CCDC6: variants seen among roughly 807,000 people sequenced by gnomAD.
CCDC6 encodes coiled-coil domain containing 6, also known as coiled-coil domain-containing protein 6.
Under a neutral mutation model 56.6 loss-of-function variants are expected in CCDC6, and 20 were observed. That is an observed-to-expected ratio of 0.35 (90% confidence interval 0.25 to 0.51). The LOEUF (loss-of-function observed/expected upper bound fraction) is 0.51. CCDC6 is among the 20% of genes least tolerant of loss of function. The probability of loss-of-function intolerance (pLI) is 0.95; values close to 1 mark genes in which losing one functional copy is unlikely to be tolerated. For synonymous variants in CCDC6, 241 were observed against 234.4 expected (o/e 1.03, Z -0.26); for missense variants, 367 against 601.1 (o/e 0.61, Z 4.07).
At chr10:59,896,929 C>G (rs2071468364) in intron 1 of CCDC6, among the ~76,000 whole-genome samples, 1 of 149,908 alleles carries the variant, frequency 6.7e-6, no homozygotes, top group Admixed American at 6.6e-5. Flanking sequence ...CCCATGCATG[C>G]AAGGCTCAAA....
At chr10:59,872,652 C>G (rs2071239578) in intron 1 of CCDC6, among the ~76,000 whole-genome samples, 1 of 152,040 alleles carries the variant, frequency 6.6e-6, no homozygotes, top group African/African-American at 2.4e-5. Context: ...GGTTTAACCT[C>G]TAGCAAGGGG....
chr10:59,895,140 A>G (rs1432462790), intron 1 of CCDC6, among the ~76,000 whole-genome samples: 1 of 152,144 alleles, frequency 6.6e-6, no homozygotes, highest in Non-Finnish European at 1.5e-5. Context: ...TCTATAAAAA[A>G]TAATAATAAT....
At chr10:59,894,561 A>G (rs879814353) in intron 1 of CCDC6, among the ~76,000 whole-genome samples, 12 of 151,894 alleles carry the variant, frequency 7.9e-5, no homozygotes, top group African/African-American at 2.9e-4. Context: ...TACAGCAGAC[A>G]CTCATGTTTG....
intron 3 of CCDC6, among the ~76,000 whole-genome samples, chr10:59,825,780 T>G (rs1001949937): frequency 6.6e-6 from 1 of 152,252 alleles, no homozygotes; most frequent in Non-Finnish European, 1.5e-5. Context: ...TATCCTTAAC[T>G]GTTTTTAACA....
At position 59,817,013 on chromosome 10, in the gene CCDC6, C is replaced by T. The variant is rs181626994; in HGVS notation, c.583-2258G>A. Among the ~76,000 whole-genome samples the T allele has an allele frequency of 2.5e-3, 388 of 152,202 alleles. 3 individuals are homozygous for T. Among genetic ancestry groups the T allele is most frequent in the Non-Finnish European group, 4.8e-3 (329 of 68,018 alleles). ...TCAAAATAAGTCAAATATATTGTGC[C>T]GCAAAGTTGGGACCCCACTAACGTG... On this transcript the variant is annotated intron_variant, in intron 3 of 8. Transcript: ENST00000263102.
intron 1 of CCDC6, among the ~76,000 whole-genome samples, chr10:59,881,823 G>A (rs911626772): frequency 1.3e-5 from 2 of 152,206 alleles, no homozygotes; most frequent in Non-Finnish European, 2.9e-5. Flanking sequence ...GACAATGTGT[G>A]ATAGGGTAGA....
In CCDC6 at chr10:59,789,606, T is replaced by C. The variant is rs1416680589; in HGVS notation, c.*3311A>G. 3.5e-5 allele frequency: 8 copies of C among 230,038 alleles called. No homozygotes were observed. The highest frequency in any genetic ancestry group is 6.2e-5 in the East Asian group (1 of 16,056). 14.2% of individuals were successfully genotyped at this position (230,038 alleles called of 1,614,324 possible). ...TTGGAAATAAAAGGTTGTTTTACTA[T>C]GTATTTCTTTGGTAGTCATCACTAC... is the stretch of plus-strand genomic sequence containing the variant. On this transcript the variant is annotated 3_prime_UTR_variant, in exon 9 of 9. Transcript: ENST00000263102.
chr10:59,826,696 T>C (rs2070790947), intron 3 of CCDC6, among the ~76,000 whole-genome samples: 1 of 152,166 alleles, frequency 6.6e-6, no homozygotes, highest in Non-Finnish European at 1.5e-5. Flanking sequence ...AAGAAGAAAG[T>C]TAAAGAGGCC....
At chr10:59,800,129 C>T (rs2070560183) in intron 7 of CCDC6, among the ~76,000 whole-genome samples, 1 of 152,088 alleles carries the variant, frequency 6.6e-6, no homozygotes, top group African/African-American at 2.4e-5. Flanking sequence ...TACAGGGTTC[C>T]CATGTATCTT....
At chr10:59,811,432 C>T (rs1197369836) in intron 5 of CCDC6, among the ~76,000 whole-genome samples, 1 of 152,132 alleles carries the variant, frequency 6.6e-6, no homozygotes, top group Non-Finnish European at 1.5e-5. Context: ...ATGTTCATTG[C>T]GGTTGTAGCA....
intron 1 of CCDC6, among the ~76,000 whole-genome samples, chr10:59,892,142 A>G (rs1056677315): frequency 2.0e-5 from 3 of 152,226 alleles, no homozygotes; most frequent in African/African-American, 7.2e-5. Flanking sequence ...GTTGCCCATC[A>G]AAGTCCACCT....
intron 1 of CCDC6, among the ~76,000 whole-genome samples, chr10:59,874,957 CTA>C (rs2071265881): frequency 6.6e-6 from 1 of 152,212 alleles, no homozygotes; most frequent in Non-Finnish European, 1.5e-5. Context: ...GATGATAAAT[CTA>C]TGTTACTTCA....
Position 59,882,527 on chromosome 10 carries a change from GAAGGA to G in CCDC6, c.303+23590_303+23594del, listed in dbSNP as rs1273211866. Among the ~76,000 whole-genome samples the G allele has an allele frequency of 3.5e-3, 295 of 84,608 alleles. 16 individuals are homozygous for G. The highest frequency in any genetic ancestry group is 7.5e-3 in the Middle Eastern group (1 of 134). 55.5% of individuals were successfully genotyped at this position (84,608 alleles called of 152,430 possible). On this transcript the variant is annotated intron_variant, in intron 1 of 8. Transcript: ENST00000263102. ...GAGAAGGAAAGGAAAGCCAGGGGGA[GAAGGA>G]AAGGAAAGCCGCGGGGAGAAGGAAA...
intron 1 of CCDC6, among the ~76,000 whole-genome samples, chr10:59,859,907 A>T (rs2071113604): frequency 6.6e-6 from 1 of 151,946 alleles, no homozygotes; most frequent in South Asian, 2.1e-4. Context: ...TGTGGCGAAA[A>T]CCCATTACTA....
chr10:59,835,893 A>AG (rs2070878060), intron 2 of CCDC6, among the ~76,000 whole-genome samples: 1 of 151,956 alleles, frequency 6.6e-6, no homozygotes, highest in Admixed American at 6.6e-5. Context: ...CTCTGTCTCT[A>AG]CAAAAAAAGA....
At chr10:59,842,363 T>C (rs2070947615) in intron 2 of CCDC6, among the ~76,000 whole-genome samples, 1 of 152,220 alleles carries the variant, frequency 6.6e-6, no homozygotes, top group Non-Finnish European at 1.5e-5. Context: ...AACACTTTTT[T>C]AAAAAGTCAG....
intron 1 of CCDC6, among the ~76,000 whole-genome samples, chr10:59,865,298 C>A (rs889248339): frequency 1.3e-5 from 2 of 152,138 alleles, no homozygotes; most frequent in African/African-American, 4.8e-5. Flanking sequence ...TAATCAAGCA[C>A]CTCCTAACTT....
Position 59,790,596 on chromosome 10 carries a change from A to G in CCDC6, c.*2321T>C. On this transcript the variant is annotated 3_prime_UTR_variant, in exon 9 of 9. Transcript: ENST00000263102. The stretch of plus-strand genomic sequence containing the variant: ...CACGAACCATCAAATTCAAAAGAGT[A>G]GTGTTTGTTCTATCAGTTCTGAATG... The G allele has an allele frequency of 4.5e-6, 1 of 221,554 alleles. No homozygotes were observed. Among genetic ancestry groups the G allele is most frequent in the Non-Finnish European group, 9.0e-6 (1 of 110,576 alleles). 13.7% of individuals were successfully genotyped at this position (221,554 alleles called of 1,614,324 possible).
chr10:59,815,210 T>C (rs1020185929), intron 3 of CCDC6, among the ~76,000 whole-genome samples: 6 of 152,138 alleles, frequency 3.9e-5, no homozygotes, highest in Non-Finnish European at 8.8e-5. Flanking sequence ...TACTGGCTAA[T>C]GGAGATAAAT....
Sources: gnomAD v4.1 joint callset for allele counts (sites outside exome capture counted in the v4.1 genomes callset) on GRCh38, gnomAD v4.1.1 for gene constraint, MANE v1.5 for transcripts, NCBI Gene and HGNC (gene_info 2026-07-23, HGNC 2026-07-21) for gene names.